The following CHRM3 variants were observed in gnomAD, a reference collection of about 807,000 sequenced individuals.
The protein encoded by CHRM3 is muscarinic acetylcholine receptor M3.
Under a neutral mutation model 41.8 loss-of-function variants are expected in CHRM3, and 11 were observed. The ratio of observed to expected loss-of-function variants is 0.26; its 90% CI spans 0.17 to 0.44. CHRM3 has a LOEUF of 0.44. Ranked by LOEUF, CHRM3 falls within the 20% of genes least tolerant of loss-of-function variation. The pLI is 1.00. For missense variants in CHRM3, 571 were observed against 745.4 expected, an observed-to-expected ratio of 0.77 and a Z score of 2.72; for synonymous variants, 297 against 301.4, an observed-to-expected ratio of 0.99 and a Z score of 0.15.
rs1354609078 is a variant in CHRM3 at position 239,641,989 on chromosome 1, T to A, written c.-250+9703T>A. Among the ~76,000 whole-genome samples, 26 of 127,264 alleles carry A rather than the reference T, an allele frequency of 2.0e-4. 7 individuals are homozygous for A. The highest frequency in any genetic ancestry group is 8.2e-4 in the African/African-American group (26 of 31,624). The allele number at this position is 127,264 out of a possible 152,430, so 83.5% of individuals were successfully genotyped here. A position where few individuals can be genotyped will look rare whatever the true frequency, so the allele number is the denominator to read the frequency against. ...GTGACAAAATCTCTCAGCATTTGCTTGTCTGTAAAGAATTTTATTTCTCCT... is the reference window on the plus strand; with the variant it reads ...GTGACAAAATCTCTCAGCATTTGCTAGTCTGTAAAGAATTTTATTTCTCCT... On this transcript the variant is annotated intron_variant, in intron 4 of 6. Transcript: ENST00000676153.
Position 239,432,803 on chromosome 1 carries a change from T to C in CHRM3, c.-521+45576T>C, listed in dbSNP as rs145691123. ...ATCCATTTTCTATCTAAGGATCATA[T>C]TGGCCTGTGAAATAATTTGCAAATA... On this transcript the variant is annotated intron_variant, in intron 1 of 6. Transcript: ENST00000676153. Among the ~76,000 whole-genome samples, 1,013 of 152,342 alleles carry C rather than the reference T, an allele frequency of 6.6e-3. 13 individuals carry two copies. The highest frequency in any genetic ancestry group is 0.023 in the African/African-American group (944 of 41,574).
chr1:239,434,807 G>A (rs1301665506), intron 1 of CHRM3, among the ~76,000 whole-genome samples: 1 of 152,182 alleles, frequency 6.6e-6, no homozygotes, highest in African/African-American at 2.4e-5. Context: ...AAAGAAAATA[G>A]GAGGGAGGGA....
intron 5 of CHRM3, among the ~76,000 whole-genome samples, chr1:239,761,550 C>T (rs1666773105): frequency 6.6e-6 from 1 of 152,166 alleles, no homozygotes; most frequent in East Asian, 1.9e-4. Context: ...AAATTGGAAA[C>T]AGTTCAGTCT....
intron 5 of CHRM3, among the ~76,000 whole-genome samples, chr1:239,809,279 C>G (rs1670924429): frequency 6.6e-6 from 1 of 152,072 alleles, no homozygotes. Context: ...CTCGGCCTCC[C>G]AAAGTGCTGG....
In CHRM3 at chr1:239,901,956, A is replaced by G. The variant is rs553622604; in HGVS notation, c.-19-5477A>G. 4.0e-4 allele frequency among the ~76,000 whole-genome samples: 61 copies of G among 152,276 alleles called. 1 individual carries two copies. The highest frequency in any genetic ancestry group is 8.5e-4 in the Admixed American group (13 of 15,294). On this transcript the variant is annotated intron_variant, in intron 6 of 6. Coordinates refer to ENST00000676153, the MANE Select transcript of CHRM3 (RefSeq NM_001375978.1). ...AAATCACCTTTTTGTAGTACTTATTATCAATTTATTCACTCTGGATGTGGC... is the reference window on the plus strand; with the variant it reads ...AAATCACCTTTTTGTAGTACTTATTGTCAATTTATTCACTCTGGATGTGGC...
At chr1:239,500,955 G>A (rs368059145) in intron 2 of CHRM3, among the ~76,000 whole-genome samples, 11 of 152,274 alleles carry the variant, frequency 7.2e-5, no homozygotes, top group East Asian at 1.9e-4. Context: ...AAATGGACAC[G>A]AAAAGCGGGC....
chr1:239,616,262 G>T (rs1344134284), intron 3 of CHRM3, among the ~76,000 whole-genome samples: 1 of 152,160 alleles, frequency 6.6e-6, no homozygotes, highest in Non-Finnish European at 1.5e-5. Context: ...TTTGTGTATA[G>T]ATTTGTGTTT....
intron 1 of CHRM3, among the ~76,000 whole-genome samples, chr1:239,413,528 T>C (rs1661272606): frequency 6.6e-6 from 1 of 152,136 alleles, no homozygotes; most frequent in South Asian, 2.1e-4. Flanking sequence ...CATCAAGTGT[T>C]CTGACCCCCT....
At chr1:239,422,184 C>T (rs1171020885) in intron 1 of CHRM3, among the ~76,000 whole-genome samples, 1 of 152,150 alleles carries the variant, frequency 6.6e-6, no homozygotes, top group African/African-American at 2.4e-5. Context: ...TTCAATAATA[C>T]TACCATAAAG....
intron 3 of CHRM3, among the ~76,000 whole-genome samples, chr1:239,553,220 T>A (rs1399940099): frequency 6.6e-6 from 1 of 152,132 alleles, no homozygotes; most frequent in East Asian, 1.9e-4. Context: ...AGGCATATAA[T>A]ATTTTCATGT....
At chr1:239,899,937 G>A (rs998795371) in intron 6 of CHRM3, 4 of 152,188 alleles carry the variant, frequency 2.6e-5, no homozygotes, top group Non-Finnish European at 5.9e-5. Context: ...CATGCCCTGA[G>A]CCCTCATGCA....
chr1:239,816,295 CTT>C (rs1317018878), intron 5 of CHRM3, among the ~76,000 whole-genome samples: 1 of 152,210 alleles, frequency 6.6e-6, no homozygotes, highest in Non-Finnish European at 1.5e-5. Flanking sequence ...AAGACGTGGT[CTT>C]TCCTAATACA....
chr1:239,803,436 CTT>C (rs767557353), intron 5 of CHRM3, among the ~76,000 whole-genome samples: 49 of 152,290 alleles, frequency 3.2e-4, no homozygotes, highest in Non-Finnish European at 5.6e-4. Context: ...CTATCACACT[CTT>C]TTCAAAACCA....
chr1:239,446,751 T>G (rs185335817), intron 1 of CHRM3, among the ~76,000 whole-genome samples: 7 of 152,336 alleles, frequency 4.6e-5, no homozygotes, highest in Non-Finnish European at 1.5e-5. Flanking sequence ...ATAAAGGCAA[T>G]GTGCATTTTT....
chr1:239,682,509 A>G (rs756246835), intron 5 of CHRM3, among the ~76,000 whole-genome samples: 9 of 152,176 alleles, frequency 5.9e-5, no homozygotes, highest in African/African-American at 2.2e-4. Context: ...AGAAATTAAT[A>G]GTATCTGAAA....
chr1:239,620,352 T>G (rs991090204), intron 3 of CHRM3, among the ~76,000 whole-genome samples: 5 of 152,204 alleles, frequency 3.3e-5, no homozygotes, highest in African/African-American at 1.2e-4. Context: ...GGTGCAAGAC[T>G]GTGTTTGAGA....
chr1:239,804,280 G>A (rs1670447842), intron 5 of CHRM3, among the ~76,000 whole-genome samples: 1 of 152,146 alleles, frequency 6.6e-6, no homozygotes, highest in East Asian at 1.9e-4. Context: ...CCATGATCAT[G>A]AGGAGAAATT....
chr1:239,822,703 C>T (rs1279192886), intron 5 of CHRM3, among the ~76,000 whole-genome samples: 2 of 152,140 alleles, frequency 1.3e-5, no homozygotes, highest in Non-Finnish European at 2.9e-5. Context: ...TTGACTCTAA[C>T]ATGCAAAGCA....
At chr1:239,773,288 T>C (rs1447661425) in intron 5 of CHRM3, among the ~76,000 whole-genome samples, 1 of 152,206 alleles carries the variant, frequency 6.6e-6, no homozygotes, top group Non-Finnish European at 1.5e-5. Flanking sequence ...GTTCATCGAA[T>C]AGCACATTCT....
Sources: gnomAD v4.1 joint callset for allele counts (sites outside exome capture counted in the v4.1 genomes callset) on GRCh38, gnomAD v4.1.1 for gene constraint, MANE v1.5 for transcripts, NCBI Gene and HGNC (gene_info 2026-07-23, HGNC 2026-07-21) for gene names.